Variants in ARMC3 observed in about 807,000 individuals in gnomAD.
ARMC3 encodes the protein armadillo repeat containing 3, also known as armadillo repeat-containing protein 3.
A neutral mutation model predicts 90.3 loss-of-function variants in ARMC3; 74 were observed. The observed-to-expected ratio is 0.82, with a 90% CI of 0.68 to 0.99. The LOEUF (loss-of-function observed/expected upper bound fraction) is 0.99. Ranked by LOEUF, ARMC3 falls within the 50% of genes least tolerant of loss-of-function variation. The pLI is 0.00. For missense variants in ARMC3, 958 were observed against 1,042.8 expected, an observed-to-expected ratio of 0.92 and a Z score of 1.12; for synonymous variants, 334 against 361.8, an observed-to-expected ratio of 0.92 and a Z score of 0.87.
intron 11 of ARMC3, among the ~76,000 whole-genome samples, chr10:22,998,964 A>T (rs905027950): frequency 6.6e-6 from 1 of 152,256 alleles, no homozygotes; most frequent in Non-Finnish European, 1.5e-5. Flanking sequence ...GGAATGCTGA[A>T]TCCGAAATTC....
chr10:23,014,259 A>G, intron 16 of ARMC3: 1 of 1,491,862 alleles, frequency 6.7e-7, no homozygotes, highest in Non-Finnish European at 9.0e-7. Context: ...AGCTGCTGTA[A>G]GAGGAGAGAT....
chr10:22,997,346 G>A (rs1206786631), intron 10 of ARMC3: 2 of 152,110 alleles, frequency 1.3e-5, no homozygotes, highest in Non-Finnish European at 1.5e-5. Flanking sequence ...GGGAAAACCG[G>A]GTGCTCAAAA....
intron 1 of ARMC3, among the ~76,000 whole-genome samples, chr10:22,929,006 C>T (rs113559191): frequency 2.0e-5 from 3 of 151,984 alleles, no homozygotes; most frequent in African/African-American, 4.8e-5. Context: ...GCGGGTGGAT[C>T]GCCTGAAGTC....
intron 10 of ARMC3, among the ~76,000 whole-genome samples, chr10:22,984,939 C>A (rs996346550): frequency 6.6e-6 from 1 of 151,348 alleles, no homozygotes; most frequent in Non-Finnish European, 1.5e-5. Context: ...ATGGTACAAT[C>A]GTAGCTCACT....
rs117345765 is a variant in ARMC3, at chr10:23,014,604, G to A, written c.2045+5673G>A. 1.4e-3 allele frequency: 847 copies of A among 594,182 alleles called. 35 individuals are homozygous for A. In the East Asian group the frequency reaches 0.082, roughly 58 times the overall value. 36.8% of individuals were successfully genotyped at this position (594,182 alleles called of 1,614,324 possible). On this transcript the variant is annotated intron_variant, in intron 16 of 18. Coordinates refer to ENST00000298032, the MANE Select transcript of ARMC3 (RefSeq NM_173081.5). ...AGAAAATGTGGTACATATACACCAC[G>A]GAATATTATGCAGCCACAAAAAAGA...
At chr10:22,964,464 G>T (rs1342101385) in intron 7 of ARMC3, among the ~76,000 whole-genome samples, 13 of 147,688 alleles carry the variant, frequency 8.8e-5, no homozygotes, top group Non-Finnish European at 1.6e-4. Flanking sequence ...TTTTGAGATG[G>T]AGCCTTGCTC....
chr10:22,990,591 G>C (rs1197173424), intron 10 of ARMC3, among the ~76,000 whole-genome samples: 1 of 152,100 alleles, frequency 6.6e-6, no homozygotes, highest in African/African-American at 2.4e-5. Flanking sequence ...AGTCCTATGG[G>C]GGAAGGAATA....
chr10:22,959,307 T>G, intron 5 of ARMC3, 92 bp from the exon 6 acceptor site: 3 of 1,380,130 alleles, frequency 2.2e-6, no homozygotes, highest in African/African-American at 1.5e-5. Flanking sequence ...CAAGATACAA[T>G]TTGTGGAGCT....
chr10:22,968,252 G>C, intron 7 of ARMC3, 54 bp from the exon 8 acceptor site: 1 of 1,513,400 alleles, frequency 6.6e-7, no homozygotes, highest in Non-Finnish European at 9.1e-7. Context: ...GTCAAATTTG[G>C]GAAGTGTACA....
At chr10:23,008,061 A>ATG (rs1444946266) in intron 14 of ARMC3, among the ~76,000 whole-genome samples, 4 of 152,078 alleles carry the variant, frequency 2.6e-5, no homozygotes, top group Non-Finnish European at 5.9e-5. Context: ...CCATCATCGC[A>ATG]CCACTGCACT....
chr10:22,934,885 G>A (rs1834054844), intron 2 of ARMC3, among the ~76,000 whole-genome samples: 1 of 152,192 alleles, frequency 6.6e-6, no homozygotes, highest in Non-Finnish European at 1.5e-5. Flanking sequence ...ACTGTCAAAG[G>A]AGACAGGGAA....
chr10:23,018,513 A>ACTTTT, intron 16 of ARMC3, among the ~76,000 whole-genome samples: 1 of 49,480 alleles, frequency 2.0e-5, no homozygotes, highest in African/African-American at 6.9e-5. Context: ...GCACCTTAGT[A>ACTTTT]ATTTTTTTTT....
chr10:22,959,158 C>A lies in ARMC3; in HGVS notation c.361+20C>A, dbSNP rs749936363. 7 of 1,598,346 alleles carry A rather than the reference C, an allele frequency of 4.4e-6. No individual in the cohort carries two copies. Among genetic ancestry groups the A allele is most frequent in the Non-Finnish European group, 6.0e-6 (7 of 1,165,988 alleles). On this transcript the variant is annotated intron_variant, in intron 5 of 18. Transcript: ENST00000298032. Reference sequence around the variant, plus strand: ...CAGAAGGTAACTTTGCATTCTATATCTGTTTTAAAAAATGGAACTGGTTTT... The same window carrying A: ...CAGAAGGTAACTTTGCATTCTATATATGTTTTAAAAAATGGAACTGGTTTT...
chr10:22,938,896 A>G (rs866270961), intron 2 of ARMC3, among the ~76,000 whole-genome samples: 2 of 152,220 alleles, frequency 1.3e-5, no homozygotes, highest in African/African-American at 2.4e-5. Context: ...TGACAATTAA[A>G]TACACCATAA....
rs1005158072 is a variant in ARMC3, at chr10:23,008,263, T to A, written c.1830-13T>A. ...TTTAATCTATATATAATTTTAAATGTGTAAAATTTTAGTTCTCCACCTTCA... is the reference window on the plus strand; with the variant it reads ...TTTAATCTATATATAATTTTAAATGAGTAAAATTTTAGTTCTCCACCTTCA... On this transcript the variant is annotated splice_polypyrimidine_tract_variant and intron_variant, in intron 14 of 18. Transcript: ENST00000298032. 2 of 1,309,376 alleles carry A rather than the reference T, an allele frequency of 1.5e-6. No individual in the cohort carries two copies. Among genetic ancestry groups the A allele is most frequent in the African/African-American group, 3.0e-5 (2 of 66,022 alleles). 81.1% of individuals were successfully genotyped at this position (1,309,376 alleles called of 1,614,324 possible).
At chr10:22,936,197 C>T (rs1198719860) in intron 2 of ARMC3, among the ~76,000 whole-genome samples, 1 of 152,160 alleles carries the variant, frequency 6.6e-6, no homozygotes, top group Non-Finnish European at 1.5e-5. Context: ...TGGGTCACAT[C>T]TGTAATCCCA....
intron 8 of ARMC3, among the ~76,000 whole-genome samples, chr10:22,978,679 A>G (rs1275157649): frequency 2.0e-5 from 3 of 152,256 alleles, no homozygotes; most frequent in Non-Finnish European, 4.4e-5. Flanking sequence ...TAAGAAAGCT[A>G]TATCCTAATA....
Position 22,946,175 on chromosome 10 carries a change from C to T in ARMC3, c.80C>T (p.Ala27Val), listed in dbSNP as rs961925541. 1 of 1,611,792 alleles carries T rather than the reference C, an allele frequency of 6.2e-7. No homozygotes were observed. Among genetic ancestry groups the T allele is most frequent in the Non-Finnish European group, 8.5e-7 (1 of 1,179,220 alleles). ...FDPLMIESKK[A>V]ATVVLMLNSP... ...CCATTAATGATTGAAAGCAAAAAAG[C>T]AGCAACTGTGGTGTTAATGCTTAAT... The change falls in exon 3 of 19, where the codon GCA (alanine) becomes GTA (valine). Residue 27 changes from alanine to valine, a missense_variant. Coordinates refer to ENST00000298032, the MANE Select transcript of ARMC3 (RefSeq NM_173081.5).
intron 16 of ARMC3, among the ~76,000 whole-genome samples, chr10:23,018,946 C>T (rs964756288): frequency 3.3e-5 from 5 of 152,174 alleles, no homozygotes; most frequent in African/African-American, 1.2e-4. Flanking sequence ...TTTAGATTTC[C>T]GTGAGTTCCT....
Sources: gnomAD v4.1 joint callset for allele counts (sites outside exome capture counted in the v4.1 genomes callset) on GRCh38, gnomAD v4.1.1 for gene constraint, MANE v1.5 for transcripts, NCBI Gene and HGNC (gene_info 2026-07-23, HGNC 2026-07-21) for gene names.